The following RANBP17 variants were observed in gnomAD, a reference collection of about 807,000 sequenced individuals.
RANBP17 encodes the protein ran-binding protein 17.
Under a neutral mutation model 141.2 loss-of-function variants are expected in RANBP17, and 158 were observed. That is an observed-to-expected ratio of 1.12 (90% confidence interval 0.98 to 1.28). The LOEUF (loss-of-function observed/expected upper bound fraction) is 1.28, where lower values mean the gene tolerates loss of function less well. Among genes scored for constraint, RANBP17 ranks in the 50% most tolerant of loss-of-function variants. The pLI, the probability that RANBP17 is intolerant of heterozygous loss-of-function variation, is 0.00. For missense variants in RANBP17, 1,438 were observed against 1,290.7 expected (o/e 1.11, Z -1.75); for synonymous variants, 430 against 450.0 (o/e 0.96, Z 0.56).
chr5:171,265,671 A>T lies in RANBP17; in HGVS notation c.2777-10A>T. The T allele has an allele frequency of 6.3e-7, 1 of 1,598,520 alleles. No homozygotes were observed. Among genetic ancestry groups the T allele is most frequent in the African/African-American group, 1.3e-5 (1 of 74,230 alleles). On this transcript the variant is annotated splice_polypyrimidine_tract_variant and intron_variant, in intron 24 of 27. Coordinates refer to ENST00000523189, the MANE Select transcript of RANBP17 (RefSeq NM_022897.5). ...TAATGCAAATGAATTCTTATTTACT[A>T]TTTGTACAGATACAGTTGTCTCCTC...
At chr5:171,029,005 T>A in intron 14 of RANBP17, 2 of 1,167,594 alleles carry the variant, frequency 1.7e-6, no homozygotes, top group Non-Finnish European at 2.2e-6. Flanking sequence ...GGCAAGTCAG[T>A]CTATATGTTA....
At chr5:171,171,637 T>G (rs908324870) in intron 16 of RANBP17, among the ~76,000 whole-genome samples, 5 of 151,992 alleles carry the variant, frequency 3.3e-5, no homozygotes, top group African/African-American at 1.2e-4. Flanking sequence ...AAAGAAAGTA[T>G]GTAACTTAAT....
intron 14 of RANBP17, among the ~76,000 whole-genome samples, chr5:171,088,367 A>T (rs4041529): frequency 6.6e-6 from 1 of 151,840 alleles, no homozygotes; most frequent in South Asian, 2.1e-4. Context: ...TGTAAGTAAC[A>T]TGACCTTTCT....
At chr5:170,975,397 C>T (rs1411138529) in intron 14 of RANBP17, among the ~76,000 whole-genome samples, 4 of 152,114 alleles carry the variant, frequency 2.6e-5, no homozygotes, top group Non-Finnish European at 5.9e-5. Context: ...GGCGTGGTGG[C>T]ACGTGCCTGT....
At chr5:171,275,339 T>G (rs755939880) in intron 25 of RANBP17, among the ~76,000 whole-genome samples, 3 of 152,236 alleles carry the variant, frequency 2.0e-5, no homozygotes, top group Non-Finnish European at 4.4e-5. Flanking sequence ...TGGGGATTGT[T>G]TTTATACTTG....
At chr5:171,288,410 A>G (rs1399386030) in intron 25 of RANBP17, among the ~76,000 whole-genome samples, 2 of 152,202 alleles carry the variant, frequency 1.3e-5, no homozygotes, top group Admixed American at 6.5e-5. Flanking sequence ...TTGTCACACC[A>G]TCAGTCCTCC....
intron 14 of RANBP17, among the ~76,000 whole-genome samples, chr5:171,111,994 A>T (rs575637084): frequency 2.0e-5 from 3 of 152,296 alleles, no homozygotes; most frequent in African/African-American, 7.2e-5. Flanking sequence ...ATTACAGGTG[A>T]TGGGTAATGT....
At chr5:171,151,931 TTG>T (rs1758515771) in intron 14 of RANBP17, among the ~76,000 whole-genome samples, 12 of 152,162 alleles carry the variant, frequency 7.9e-5, no homozygotes, top group Admixed American at 6.5e-5. Flanking sequence ...AATTGAACTC[TTG>T]GGAGCAGATG....
intron 14 of RANBP17, among the ~76,000 whole-genome samples, chr5:171,061,169 T>C (rs1295312606): frequency 6.6e-6 from 1 of 152,102 alleles, no homozygotes; most frequent in Non-Finnish European, 1.5e-5. Context: ...CCTTCAGTTC[T>C]GCTCTGATTT....
intron 25 of RANBP17, among the ~76,000 whole-genome samples, chr5:171,293,654 C>G (rs541286612): frequency 1.5e-4 from 23 of 152,328 alleles, no homozygotes; most frequent in African/African-American, 5.1e-4. Flanking sequence ...AATGTTCTCA[C>G]CAAGGCTTTC....
At chr5:171,094,882 C>T (rs1786566985) in intron 14 of RANBP17, among the ~76,000 whole-genome samples, 1 of 152,084 alleles carries the variant, frequency 6.6e-6, no homozygotes, top group African/African-American at 2.4e-5. Flanking sequence ...TTTGTTCCCC[C>T]AAAGTTTGTG....
chr5:171,134,332 A>G (rs1005253065), intron 14 of RANBP17, among the ~76,000 whole-genome samples: 2 of 152,240 alleles, frequency 1.3e-5, no homozygotes, highest in Admixed American at 1.3e-4. Flanking sequence ...TATTTAGCCT[A>G]ATAAGGATTA....
intron 5 of RANBP17, among the ~76,000 whole-genome samples, chr5:170,896,526 A>C (rs1176275127): frequency 1.3e-5 from 2 of 152,054 alleles, no homozygotes; most frequent in African/African-American, 4.8e-5. Context: ...AGCAGGACTC[A>C]TAAAAAAACA....
At chr5:171,112,518 A>G (rs995407822) in intron 14 of RANBP17, among the ~76,000 whole-genome samples, 9 of 152,160 alleles carry the variant, frequency 5.9e-5, no homozygotes, top group African/African-American at 2.2e-4. Flanking sequence ...CAGACAGACA[A>G]TACTATTTTG....
intron 11 of RANBP17, among the ~76,000 whole-genome samples, chr5:170,920,884 A>G (rs1228241133): frequency 6.6e-6 from 1 of 152,170 alleles, no homozygotes; most frequent in Admixed American, 6.5e-5. Context: ...TGGCTGCATA[A>G]ATGTCTTCTT....
At chr5:171,223,736 T>C (rs192865574) in intron 22 of RANBP17, among the ~76,000 whole-genome samples, 1 of 152,356 alleles carries the variant, frequency 6.6e-6, no homozygotes, top group Admixed American at 6.5e-5. Context: ...CAATTTGCCA[T>C]ACTTTTTGTA....
At chr5:171,123,107 A>G (rs751660919) in intron 14 of RANBP17, among the ~76,000 whole-genome samples, 3 of 152,188 alleles carry the variant, frequency 2.0e-5, no homozygotes, top group Non-Finnish European at 4.4e-5. Context: ...TGTTGCTGCC[A>G]TATACAGTAA....
chr5:171,016,176 C>CTTT (rs377305717), intron 14 of RANBP17, among the ~76,000 whole-genome samples: 1 of 109,098 alleles, frequency 9.2e-6, no homozygotes. Context: ...GGGATCACTG[C>CTTT]TTTTTTTTTT....
intron 14 of RANBP17, among the ~76,000 whole-genome samples, chr5:171,137,600 G>GTGTGTGTGTC (rs1554103814): frequency 7.0e-6 from 1 of 143,432 alleles, no homozygotes; most frequent in South Asian, 2.1e-4. Flanking sequence ...GTGTGTGTGT[G>GTGTGTGTGTC]TGTGTCTGTG....
Sources: allele counts gnomAD v4.1 joint callset (sites outside exome capture counted in the v4.1 genomes callset), GRCh38; gene constraint gnomAD v4.1.1; transcripts MANE v1.5; gene names NCBI Gene and HGNC (gene_info 2026-07-23, HGNC 2026-07-21).